EIF4E3: variants seen among roughly 807,000 people sequenced by gnomAD.
EIF4E3 encodes the protein eukaryotic translation initiation factor 4E family member 3, also known as eukaryotic translation initiation factor 4E type 3.
EIF4E3 carries 26 observed loss-of-function variants against 31.7 expected under a neutral mutation model. That is an observed-to-expected ratio of 0.82 (90% CI 0.60 to 1.14). The LOEUF (loss-of-function observed/expected upper bound fraction) is 1.14. Ranked by LOEUF, EIF4E3 falls within the 50% of genes most tolerant of loss-of-function variation. The pLI is 0.00. For synonymous variants in EIF4E3, 128 were observed against 107.7 expected, an observed-to-expected ratio of 1.19 and a Z score of -1.17; for missense variants, 304 against 270.9, an observed-to-expected ratio of 1.12 and a Z score of -0.86.
intron 1 of EIF4E3, among the ~76,000 whole-genome samples, chr3:71,738,152 T>C (rs1386618808): frequency 1.3e-5 from 2 of 152,186 alleles, no homozygotes; most frequent in Non-Finnish European, 2.9e-5. Flanking sequence ...GACTCAGAGA[T>C]GGAGAAGCTG....
In EIF4E3 at chr3:71,696,536, A is replaced by G; in HGVS notation, c.345-16T>C. On this transcript the variant is annotated splice_polypyrimidine_tract_variant and intron_variant, in intron 3 of 6. Transcript: ENST00000425534. ...CTCCTCTTCCCTGGGCCAAAGACCA[A>G]CGTTTAAAGTTACACTCAGGACTAA... 6.2e-7 allele frequency: 1 copy of G among 1,614,150 alleles called. No individual in the cohort carries two copies. Among genetic ancestry groups the G allele is most frequent in the Non-Finnish European group, 8.5e-7 (1 of 1,179,992 alleles).
At chr3:71,745,834 A>G (rs1185188597) in intron 1 of EIF4E3, among the ~76,000 whole-genome samples, 1 of 152,140 alleles carries the variant, frequency 6.6e-6, no homozygotes, top group Non-Finnish European at 1.5e-5. Flanking sequence ...ATTTTTTAAG[A>G]AGGCCTTTTT....
chr3:71,724,567 A>AGCT (rs1240106592), intron 1 of EIF4E3, among the ~76,000 whole-genome samples: 1 of 152,194 alleles, frequency 6.6e-6, no homozygotes, highest in Non-Finnish European at 1.5e-5. Flanking sequence ...TGACAAGGTC[A>AGCT]GCTGCTGCTC....
rs2048933624 is a variant in EIF4E3 at position 71,682,312 on chromosome 3, A to G, written c.*2370T>C. On this transcript the variant is annotated 3_prime_UTR_variant, in exon 7 of 7. Coordinates refer to ENST00000425534, the MANE Select transcript of EIF4E3 (RefSeq NM_001134651.2). ...CTGCCCCTGCAAGCACTTGGATGAA[A>G]AGACCGGGATTCTACTGGAAGTTTG... 6.6e-6 allele frequency: 1 copy of G among 152,224 alleles called. No individual in the cohort carries two copies. Among genetic ancestry groups the G allele is most frequent in the Non-Finnish European group, 1.5e-5 (1 of 68,034 alleles). 9.4% of individuals were successfully genotyped at this position (152,224 alleles called of 1,614,324 possible).
At chr3:71,727,911 A>C (rs767974603), upstream of EIF4E3, among the ~76,000 whole-genome samples, 11 of 152,220 alleles carry the variant, frequency 7.2e-5, no homozygotes, top group Non-Finnish European at 1.5e-4. Flanking sequence ...TACCACATGA[A>C]AAAATTCCCT....
At chr3:71,710,601 T>C (rs1012207816) in intron 1 of EIF4E3, 117 bp from the exon 2 acceptor site, 2 of 925,382 alleles carry the variant, frequency 2.2e-6, no homozygotes. Flanking sequence ...ACCACAGGAC[T>C]GGACATTTTG....
upstream of EIF4E3, among the ~76,000 whole-genome samples, chr3:71,726,881 C>T (rs2049645806): frequency 6.6e-6 from 1 of 152,122 alleles, no homozygotes. Context: ...TGCTTAATAT[C>T]TCCTTTCATT....
chr3:71,711,113 C>G (rs981783119), intron 1 of EIF4E3, among the ~76,000 whole-genome samples: 1 of 152,214 alleles, frequency 6.6e-6, no homozygotes, highest in Admixed American at 6.5e-5. Flanking sequence ...ATGTGTTCCA[C>G]TAGATGGCAA....
At chr3:71,730,489 G>C (rs538248248) in intron 1 of EIF4E3, among the ~76,000 whole-genome samples, 36 of 152,324 alleles carry the variant, frequency 2.4e-4, no homozygotes, top group African/African-American at 8.2e-4. Context: ...TAGGGGCCAG[G>C]CCAGGCCTCT....
Position 71,690,161 on chromosome 3 carries a change from A to C in EIF4E3, c.477T>G (p.Asp159Glu). 1 of 1,605,522 alleles carries C rather than the reference A, an allele frequency of 6.2e-7. No homozygotes were observed. Among genetic ancestry groups the C allele is most frequent in the Non-Finnish European group, 8.5e-7 (1 of 1,176,638 alleles). Residue 159 changes from aspartate (D) to glutamate (E), a missense_variant, in exon 6 of 7, where the codon GAT becomes GAG. Asp to Glu is a conservative substitution (Grantham distance 45). Coordinates refer to ENST00000425534, the MANE Select transcript of EIF4E3 (RefSeq NM_001134651.2). ...CACTGACACTAACTCCTATTACTTC[A>C]TCATCTGAGGGGAAGACAGGAAAAA... Reference protein sequence around the residue: ...EQFTDCAAADDEVIGVSVSVR... With the variant: ...EQFTDCAAADEEVIGVSVSVR...
rs570997901 is a variant in EIF4E3 at position 71,708,296 on chromosome 3, G to T, written c.249+2116C>A. On this transcript the variant is annotated intron_variant, in intron 2 of 6. Coordinates refer to ENST00000425534, the MANE Select transcript of EIF4E3 (RefSeq NM_001134651.2). ...AGAATGAATGTAATGTGGTAGAAATGAGAATAGTGGTTGCTTTGGGGGATG... is the reference window on the plus strand; with the variant it reads ...AGAATGAATGTAATGTGGTAGAAATTAGAATAGTGGTTGCTTTGGGGGATG... 3.3e-5 allele frequency among the ~76,000 whole-genome samples: 5 copies of T among 152,312 alleles called. No homozygotes were observed. The South Asian group carries it at 1.0e-3, about 32-fold the overall frequency.
intron 1 of EIF4E3, among the ~76,000 whole-genome samples, chr3:71,721,306 G>T (rs565530909): frequency 3.3e-5 from 5 of 152,190 alleles, no homozygotes; most frequent in Non-Finnish European, 5.9e-5. Context: ...CATCCGGGAC[G>T]AGAACTCTGC....
chr3:71,680,103 C>A lies in EIF4E3; in HGVS notation c.*4579G>T, dbSNP rs1433544348. 1 of 152,164 alleles carries A rather than the reference C, an allele frequency of 6.6e-6. No individual in the cohort carries two copies. The highest frequency in any genetic ancestry group is 1.9e-4 in the East Asian group (1 of 5,198). 9.4% of individuals were successfully genotyped at this position (152,164 alleles called of 1,614,324 possible). A position where few individuals can be genotyped will look rare whatever the true frequency, so the allele number is the denominator to read the frequency against. On this transcript the variant is annotated 3_prime_UTR_variant, in exon 7 of 7. Transcript: ENST00000425534. ...CCATAAAGTTCTTATTCACGAGCAT[C>A]ATCTACTCAAGTCTCAGTATTAATG...
chr3:71,736,506 T>C (rs897525468), intron 1 of EIF4E3, among the ~76,000 whole-genome samples: 3 of 152,152 alleles, frequency 2.0e-5, no homozygotes, highest in Admixed American at 1.3e-4. Context: ...TGAAAATACA[T>C]TGGGGAAACT....
chr3:71,663,975 G>A, the EIF4E3 span, among the ~76,000 whole-genome samples: 8 of 152,164 alleles, frequency 5.3e-5, no homozygotes, highest in African/African-American at 1.9e-4. Context: ...GGCAGGGAGA[G>A]GGAGGGAGAA....
intron 6 of EIF4E3, among the ~76,000 whole-genome samples, chr3:71,686,384 A>T (rs994094037): frequency 6.6e-6 from 1 of 152,134 alleles, no homozygotes; most frequent in Middle Eastern, 3.4e-3. Flanking sequence ...TTGGACGTTC[A>T]CCCCAACCTA....
chr3:71,725,240 T>G lies in EIF4E3; in HGVS notation c.128A>C (p.Glu43Ala). The change falls in exon 1 of 7, where the codon GAG becomes GCG. Residue 43 changes from glutamate (E) to alanine (A), a missense_variant. Coordinates refer to ENST00000425534, the MANE Select transcript of EIF4E3 (RefSeq NM_001134651.2). This position sits in a 1 kb window ranked among gnomAD's most constrained non-coding sequence, Gnocchi z 6.1. The part of the protein sequence containing the change: ...GLQQLSALQP[E>A]PGGVPLHSSW... The stretch of plus-strand genomic sequence containing the variant: ...CGAGTGCAGCGGGACCCCGCCCGGC[T>G]CAGGCTGCAGCGCCGACAGCTGCTG... The G allele has an allele frequency of 8.9e-7, 1 of 1,121,496 alleles. No homozygotes were observed. The highest frequency in any genetic ancestry group is 1.1e-6 in the Non-Finnish European group (1 of 912,704). The allele number at this position is 1,121,496 out of a possible 1,614,324, so 69.5% of individuals were successfully genotyped here.
intron 1 of EIF4E3, among the ~76,000 whole-genome samples, chr3:71,713,927 T>C (rs905456367): frequency 2.6e-5 from 4 of 152,186 alleles, no homozygotes; most frequent in South Asian, 4.1e-4. Context: ...AAAGGAGATA[T>C]GGGCTGGGCA....
At chr3:71,671,126 C>T (rs1321189318), downstream of EIF4E3, among the ~76,000 whole-genome samples, 2 of 152,048 alleles carry the variant, frequency 1.3e-5, no homozygotes, top group Non-Finnish European at 2.9e-5. Context: ...TAATCTAGTG[C>T]CACACTTACA....
Sources: gnomAD v4.1 joint callset for allele counts (sites outside exome capture counted in the v4.1 genomes callset) on GRCh38, gnomAD v4.1.1 for gene constraint, Gnocchi (gnomAD v3.1) non-coding constraint, MANE v1.5 for transcripts, NCBI Gene and HGNC (gene_info 2026-07-23, HGNC 2026-07-21) for gene names.